USP3: variants seen among roughly 807,000 people sequenced by gnomAD.
USP3 encodes ubiquitin specific peptidase 3.
USP3 carries 20 observed loss-of-function variants against 72.3 expected under a neutral mutation model. That is an observed-to-expected ratio of 0.28 (90% CI 0.19 to 0.40). USP3 has a LOEUF of 0.40. Ranked by LOEUF, USP3 falls within the 10% of genes least tolerant of loss-of-function variation. The probability of loss-of-function intolerance (pLI) is 1.00; values close to 1 mark genes in which losing one functional copy is unlikely to be tolerated. For missense variants in USP3, 479 were observed against 633.9 expected (o/e 0.76, Z 2.62); for synonymous variants, 222 against 225.3 (o/e 0.99, Z 0.13).
At chr15:63,547,888 G>GAGAGACAGAGAGGCAT (rs1555446521) in intron 3 of USP3, among the ~76,000 whole-genome samples, 1 of 73,236 alleles carries the variant, frequency 1.4e-5, no homozygotes, top group Non-Finnish European at 2.9e-5. Context: ...GAGAGAGAGA[G>GAGAGACAGAGAGGCAT]AGAGAGAGGC....
Position 63,591,696 on chromosome 15 carries a change from A to T in USP3, c.*870A>T, listed in dbSNP as rs1364300059. The T allele has an allele frequency of 1.3e-5, 2 of 152,170 alleles. No individual in the cohort carries two copies. Among genetic ancestry groups the T allele is most frequent in the Non-Finnish European group, 2.9e-5 (2 of 68,050 alleles). 9.4% of individuals were successfully genotyped at this position (152,170 alleles called of 1,614,324 possible). ...GTCACGACATGTCCATTATAGACTT[A>T]CTTACTGCTTGTGTTTGGCATCTGA... is the stretch of plus-strand genomic sequence containing the variant. On this transcript the variant is annotated 3_prime_UTR_variant, in exon 15 of 15. Transcript: ENST00000380324.
intron 14 of USP3, 123 bp from the exon 15 acceptor site, chr15:63,590,538 A>G (rs2067176462): frequency 2.1e-6 from 2 of 958,520 alleles, no homozygotes; most frequent in Non-Finnish European, 2.8e-6. Context: ...TAATTTAACA[A>G]GCATCTTAAA....
At position 63,537,025 on chromosome 15, in the gene USP3, G is replaced by A. The variant is rs2066168270; in HGVS notation, c.153G>A (p.Arg51=). 1 of 1,611,184 alleles carries A rather than the reference G, an allele frequency of 6.2e-7. No homozygotes were observed. The highest frequency in any genetic ancestry group is 8.5e-7 in the Non-Finnish European group (1 of 1,179,072). Residue 51 remains arginine, a splice_region_variant and synonymous_variant, in exon 3 of 15, where the codon AGG becomes AGA. Coordinates refer to ENST00000380324, the MANE Select transcript of USP3 (RefSeq NM_006537.4). The part of the protein sequence containing the change: ...CLTCSSVHCG[R]YVNGHAKKHY... ...TAAATTTTCATTTGGTTTTTGTAAG[G>A]TATGTGAATGGCCATGCAAAAAAAC...
At chr15:63,538,423 T>A (rs1262225366) in intron 3 of USP3, among the ~76,000 whole-genome samples, 2 of 152,190 alleles carry the variant, frequency 1.3e-5, no homozygotes, top group African/African-American at 4.8e-5. Context: ...AGATAACAAT[T>A]TTAATTTACT....
chr15:63,577,585 CTACTAAAAA>C (rs2152680275), intron 11 of USP3, among the ~76,000 whole-genome samples: 1 of 152,228 alleles, frequency 6.6e-6, no homozygotes, highest in Non-Finnish European at 1.5e-5. Flanking sequence ...AACCCCGTCT[CTACTAAAAA>C]TACAAAAATT....
intron 11 of USP3, among the ~76,000 whole-genome samples, chr15:63,580,409 G>A (rs2066933500): frequency 2.0e-5 from 3 of 151,294 alleles, no homozygotes; most frequent in Admixed American, 1.3e-4. Context: ...ACCTATTTGG[G>A]GGATAGTAAA....
chr15:63,574,419 T>TA lies in USP3; in HGVS notation c.1096+16_1096+17insA. 6.3e-7 allele frequency: 1 copy of TA among 1,583,304 alleles called. No homozygotes were observed. Among genetic ancestry groups the TA allele is most frequent in the Non-Finnish European group, 8.6e-7 (1 of 1,169,258 alleles). ...TCGTTACGAGGTAAAGATACTTGAA[T>TA]GTTCTAAAAATTTTTTTCTTTAAAT... On this transcript the variant is annotated intron_variant, in intron 11 of 14. Coordinates refer to ENST00000380324, the MANE Select transcript of USP3 (RefSeq NM_006537.4). This position sits in a 1 kb window ranked among gnomAD's most constrained non-coding sequence, Gnocchi z 4.6.
chr15:63,532,374 A>C, intron 1 of USP3: 1 of 491,992 alleles, frequency 2.0e-6, no homozygotes, highest in Non-Finnish European at 3.7e-6. Flanking sequence ...AATAAGTAAT[A>C]AAGGAGACAA....
chr15:63,532,363 G>C (rs528078988), intron 1 of USP3: 2 of 454,154 alleles, frequency 4.4e-6, no homozygotes, highest in South Asian at 5.4e-5. Context: ...TAGCAAAAGG[G>C]AATAAGTAAT....
chr15:63,549,184 C>T (rs954712211), intron 3 of USP3, among the ~76,000 whole-genome samples: 1 of 152,106 alleles, frequency 6.6e-6, no homozygotes, highest in Non-Finnish European at 1.5e-5. Context: ...GTGTATTTTA[C>T]AATTTTAAGT....
intron 11 of USP3, among the ~76,000 whole-genome samples, chr15:63,580,653 A>ATATATAT (rs59380977): frequency 1.8e-4 from 2 of 10,824 alleles, no homozygotes; most frequent in Non-Finnish European, 1.0e-3. Flanking sequence ...TATATATATG[A>ATATATAT]ATATATAATA....
In USP3 at chr15:63,594,551, C is replaced by G. The variant is rs150712603; in HGVS notation, c.*3725C>G. 1 of 152,220 alleles carries G rather than the reference C, an allele frequency of 6.6e-6. No individual in the cohort carries two copies. The highest frequency in any genetic ancestry group is 2.4e-5 in the African/African-American group (1 of 41,452). The allele number at this position is 152,220 out of a possible 1,614,324, so 9.4% of individuals were successfully genotyped here. On this transcript the variant is annotated 3_prime_UTR_variant, in exon 15 of 15. Transcript: ENST00000380324. ...GGATTAATTGTGCAAGTGACTGATTCATTTAAATTGTAATCACATCCCTTT... is the reference window on the plus strand; with the variant it reads ...GGATTAATTGTGCAAGTGACTGATTGATTTAAATTGTAATCACATCCCTTT...
rs1372204383 is a variant in USP3, at chr15:63,544,283, T to TA, written c.284+7127_284+7128insA. 6.5e-6 allele frequency: 1 copy of TA among 154,900 alleles called. No homozygotes were observed. The highest frequency in any genetic ancestry group is 1.4e-5 in the Non-Finnish European group (1 of 70,096). The allele number at this position is 154,900 out of a possible 1,614,324, so 9.6% of individuals were successfully genotyped here. A position where few individuals can be genotyped will look rare whatever the true frequency, so the allele number is the denominator to read the frequency against. ...TTTTGTGGTTTATTTTTTAACTTGA[T>TA]TAGGAAGCTGATGAAAATAGCTTGA... On this transcript the variant is annotated intron_variant, in intron 3 of 14. Coordinates refer to ENST00000380324, the MANE Select transcript of USP3 (RefSeq NM_006537.4). This position sits in a 1 kb window ranked among gnomAD's most constrained non-coding sequence, Gnocchi z 4.2.
chr15:63,584,799 C>A (rs2067028383), intron 11 of USP3, among the ~76,000 whole-genome samples: 1 of 152,042 alleles, frequency 6.6e-6, no homozygotes. Flanking sequence ...CTTTTGTTGC[C>A]TGTGCTTTGG....
rs565868661 is a variant in USP3 at position 63,581,058 on chromosome 15, G to A, written c.1096+6655G>A. On this transcript the variant is annotated intron_variant, in intron 11 of 14. Coordinates refer to ENST00000380324, the MANE Select transcript of USP3 (RefSeq NM_006537.4). ...TGACCTCGAGTGATCTGCCTGCCTC[G>A]GCCTCCCAAAATGCTGGGATGACAG... 7.3e-3 allele frequency among the ~76,000 whole-genome samples: 1,106 copies of A among 152,012 alleles called. 7 individuals are homozygous for A. Among genetic ancestry groups the A allele is most frequent in the Non-Finnish European group, 0.01 (704 of 67,980 alleles).
intron 3 of USP3, among the ~76,000 whole-genome samples, chr15:63,550,052 C>T (rs2152668549): frequency 6.6e-6 from 1 of 152,300 alleles, no homozygotes; most frequent in African/African-American, 2.4e-5. Flanking sequence ...GCTCTTTTGC[C>T]AGGCTGGAGT....
intron 4 of USP3, among the ~76,000 whole-genome samples, chr15:63,554,152 A>G (rs1051139096): frequency 6.6e-6 from 1 of 151,940 alleles, no homozygotes; most frequent in African/African-American, 2.4e-5. Context: ...ATAATAGAAA[A>G]CCCCTGTCAA....
chr15:63,547,888 G>T (rs62011341), intron 3 of USP3, among the ~76,000 whole-genome samples: 822 of 73,280 alleles, frequency 0.011, 127 homozygotes, highest in African/African-American at 0.043. Context: ...GAGAGAGAGA[G>T]AGAGAGAGGC....
intron 4 of USP3, 82 bp from the exon 5 acceptor site, chr15:63,556,585 G>A: frequency 1.8e-6 from 2 of 1,123,316 alleles, no homozygotes; most frequent in East Asian, 2.6e-5. Context: ...AGGTGTTGAG[G>A]GCAGCTGGAG....
Sources: allele counts gnomAD v4.1 joint callset (sites outside exome capture counted in the v4.1 genomes callset), GRCh38; gene constraint gnomAD v4.1.1; non-coding constraint Gnocchi (gnomAD v3.1); transcripts MANE v1.5; gene names NCBI Gene and HGNC (gene_info 2026-07-23, HGNC 2026-07-21).